Variants in PPP6R3 observed in about 807,000 individuals in gnomAD.
The protein encoded by PPP6R3 is protein phosphatase 6 regulatory subunit 3, also known as serine/threonine-protein phosphatase 6 regulatory subunit 3.
PPP6R3 carries 38 observed loss-of-function variants against 110.7 expected under a neutral mutation model. The observed-to-expected ratio is 0.34, with a 90% CI of 0.26 to 0.45. PPP6R3 has a LOEUF of 0.45. PPP6R3 is among the 20% of genes least tolerant of loss of function. PPP6R3 has a pLI of 1.00. For missense variants in PPP6R3, 870 were observed against 1,062.4 expected (o/e 0.82, Z 2.52); for synonymous variants, 369 against 373.5 (o/e 0.99, Z 0.14).
chr11:68,468,355 A>G (rs184800757), intron 1 of PPP6R3, among the ~76,000 whole-genome samples: 4 of 152,304 alleles, frequency 2.6e-5, no homozygotes, highest in African/African-American at 9.6e-5. Flanking sequence ...CAGGGTTTGT[A>G]TTGCCTTTGG....
chr11:68,504,401 C>T (rs1176493825), intron 1 of PPP6R3, among the ~76,000 whole-genome samples: 8 of 152,076 alleles, frequency 5.3e-5, no homozygotes, highest in Non-Finnish European at 1.5e-5. Context: ...TACTTTTTCA[C>T]GTTTCACTTA....
chr11:68,572,341 C>A (rs72938917), intron 12 of PPP6R3, among the ~76,000 whole-genome samples: 69 of 152,242 alleles, frequency 4.5e-4, no homozygotes, highest in Admixed American at 1.0e-3. Flanking sequence ...GAATACCATT[C>A]CCTCTGTCTA....
At chr11:68,513,791 A>G (rs1173333327) in intron 1 of PPP6R3, among the ~76,000 whole-genome samples, 2 of 152,240 alleles carry the variant, frequency 1.3e-5, no homozygotes, top group African/African-American at 4.8e-5. Flanking sequence ...GACTCCACAA[A>G]AGTACATTTT....
At chr11:68,603,036 A>T (rs1379890930) in intron 21 of PPP6R3, among the ~76,000 whole-genome samples, 1 of 152,104 alleles carries the variant, frequency 6.6e-6, no homozygotes, top group Non-Finnish European at 1.5e-5. Flanking sequence ...CCCACACTGG[A>T]ACAGTTAGGA....
At chr11:68,487,933 G>T (rs2153421529) in intron 1 of PPP6R3, among the ~76,000 whole-genome samples, 1 of 152,254 alleles carries the variant, frequency 6.6e-6, no homozygotes, top group South Asian at 2.1e-4. Context: ...CTACCTGCTG[G>T]ATTTCACCAT....
chr11:68,551,786 C>T (rs2099380998), intron 6 of PPP6R3, among the ~76,000 whole-genome samples: 1 of 152,152 alleles, frequency 6.6e-6, no homozygotes, highest in East Asian at 1.9e-4. Context: ...TGTGCCCGGC[C>T]TCCTTTTTAT....
At position 68,554,303 on chromosome 11, in the gene PPP6R3, T is replaced by C. The variant is rs768900635; in HGVS notation, c.731+46T>C. 6 of 1,411,054 alleles carry C rather than the reference T, an allele frequency of 4.3e-6. No homozygotes were observed. The Admixed American group carries it at 9.1e-5, about 21-fold the overall frequency. The allele number at this position is 1,411,054 out of a possible 1,614,324, so 87.4% of individuals were successfully genotyped here. A position where few individuals can be genotyped will look rare whatever the true frequency, so the allele number is the denominator to read the frequency against. On this transcript the variant is annotated intron_variant, in intron 7 of 23. Coordinates refer to ENST00000393800, the MANE Select transcript of PPP6R3 (RefSeq NM_001164161.2). The stretch of plus-strand genomic sequence containing the variant: ...TTGTTCTTCTTTCATATTGATGCTG[T>C]TCCATGTGTTACCATTGTGAGTGAT...
chr11:68,528,109 A>C (rs151002708), intron 2 of PPP6R3, among the ~76,000 whole-genome samples: 1 of 152,270 alleles, frequency 6.6e-6, no homozygotes, highest in Non-Finnish European at 1.5e-5. Context: ...TCAAGGCTTT[A>C]GGGACCATCT....
At chr11:68,477,741 A>AAAAAATATATATATATATATATATATAT in intron 1 of PPP6R3, among the ~76,000 whole-genome samples, 1 of 57,908 alleles carries the variant, frequency 1.7e-5, no homozygotes, top group Non-Finnish European at 3.3e-5. Context: ...AAAAAAAAAA[A>AAAAAATATATATATATATATATATATAT]ATATATATAT....
chr11:68,569,314 G>A (rs1400124716), intron 10 of PPP6R3, among the ~76,000 whole-genome samples: 2 of 152,104 alleles, frequency 1.3e-5, no homozygotes, highest in African/African-American at 4.8e-5. Context: ...TACCTTCCAA[G>A]ACTCCTTTGG....
intron 2 of PPP6R3, among the ~76,000 whole-genome samples, chr11:68,523,351 G>C (rs945472206): frequency 2.6e-5 from 4 of 152,130 alleles, no homozygotes; most frequent in Non-Finnish European, 5.9e-5. Flanking sequence ...TCTATCTCTT[G>C]ATGTCTCGTA....
intron 22 of PPP6R3, among the ~76,000 whole-genome samples, chr11:68,607,745 A>G (rs1014919035): frequency 6.6e-6 from 1 of 151,772 alleles, no homozygotes; most frequent in African/African-American, 2.4e-5. Context: ...CTGCCTATCT[A>G]ATCTATCATC....
Position 68,588,368 on chromosome 11 carries a change from C to T in PPP6R3, c.1730+344C>T, listed in dbSNP as rs555529944. Among the ~76,000 whole-genome samples the T allele has an allele frequency of 2.7e-5, 4 of 150,122 alleles. No individual in the cohort carries two copies. The East Asian group carries it at 8.4e-4, about 32-fold the overall frequency. On this transcript the variant is annotated intron_variant, in intron 16 of 23. Transcript: ENST00000393800. ...ATAAAAAATTAGCCAGTTGTGGTGGCAGGCACCTGTAATCCCAGCTACTCA... is the reference window on the plus strand; with the variant it reads ...ATAAAAAATTAGCCAGTTGTGGTGGTAGGCACCTGTAATCCCAGCTACTCA...
intron 2 of PPP6R3, among the ~76,000 whole-genome samples, chr11:68,530,886 A>G (rs1047303936): frequency 2.0e-5 from 3 of 152,178 alleles, no homozygotes; most frequent in Non-Finnish European, 4.4e-5. Flanking sequence ...GAGATTTTGA[A>G]TTTGAAATTC....
At chr11:68,477,737 A>ATAT (rs1555021085) in intron 1 of PPP6R3, among the ~76,000 whole-genome samples, 9 of 64,566 alleles carry the variant, frequency 1.4e-4, no homozygotes, top group East Asian at 3.4e-4. Flanking sequence ...TTAAAAAAAA[A>ATAT]AAAAATATAT....
At chr11:68,536,262 G>GT (rs1315355805) in intron 2 of PPP6R3, among the ~76,000 whole-genome samples, 1 of 151,430 alleles carries the variant, frequency 6.6e-6, no homozygotes, top group African/African-American at 2.4e-5. Context: ...AAGTGGGTGG[G>GT]TTTTTTTTGT....
chr11:68,540,773 T>G (rs916362441), intron 3 of PPP6R3, among the ~76,000 whole-genome samples: 1 of 152,238 alleles, frequency 6.6e-6, no homozygotes, highest in South Asian at 2.1e-4. Flanking sequence ...AATTGAGCGA[T>G]ATTTCTCCCA....
intron 22 of PPP6R3, among the ~76,000 whole-genome samples, chr11:68,607,652 C>G (rs55767696): frequency 0.26 from 39,865 of 152,158 alleles, 5,499 homozygotes; most frequent in Middle Eastern, 0.33. Context: ...AAAAGAAATA[C>G]AGAATGTCTT....
chr11:68,611,750 C>T (rs183432670), intron 23 of PPP6R3, among the ~76,000 whole-genome samples: 250 of 152,084 alleles, frequency 1.6e-3, no homozygotes, highest in African/African-American at 1.4e-3. Context: ...TCTGAGGTGA[C>T]GTTGGAGTGG....
Sources: allele counts gnomAD v4.1 joint callset (sites outside exome capture counted in the v4.1 genomes callset), GRCh38; gene constraint gnomAD v4.1.1; transcripts MANE v1.5; gene names NCBI Gene and HGNC (gene_info 2026-07-23, HGNC 2026-07-21).